LRATD1: variants seen among roughly 807,000 people sequenced by gnomAD.
LRATD1 encodes protein LRATD1.
LRATD1 carries 8 observed loss-of-function variants against 21.3 expected under a neutral mutation model. The observed-to-expected ratio is 0.38, with a 90% CI of 0.22 to 0.68. The LOEUF is 0.68. LRATD1 is among the 30% of genes least tolerant of loss of function. The pLI, the probability that LRATD1 is intolerant of heterozygous loss-of-function variation, is 0.54. For synonymous variants in LRATD1, 210 were observed against 186.2 expected, an observed-to-expected ratio of 1.13 and a Z score of -1.04; for missense variants, 380 against 404.0, an observed-to-expected ratio of 0.94 and a Z score of 0.51.
chr2:14,640,882 G>C (rs1045513877), downstream of LRATD1, among the ~76,000 whole-genome samples: 1 of 152,164 alleles, frequency 6.6e-6, no homozygotes, highest in Admixed American at 6.5e-5. Context: ...TGCCCAGGGG[G>C]TCTGAGCTAG....
rs1205899220 is a variant in LRATD1 at position 14,633,172 on chromosome 2, C to A, written c.-37+235C>A. On this transcript the variant is annotated intron_variant, in intron 1 of 1. Coordinates refer to ENST00000295092, the MANE Select transcript of LRATD1 (RefSeq NM_145175.4). This position sits in a 1 kb window ranked among gnomAD's most constrained non-coding sequence, Gnocchi z 7.5. Reference sequence around the variant, plus strand: ...CCTCGCCCTGGCGCAGTCCCATTGGCCCTGATGGGGACAAGGCAAGAGAAG... The same window carrying A: ...CCTCGCCCTGGCGCAGTCCCATTGGACCTGATGGGGACAAGGCAAGAGAAG... Among the ~76,000 whole-genome samples the A allele has an allele frequency of 3.9e-5, 6 of 152,194 alleles. No individual in the cohort carries two copies. The East Asian group carries it at 7.7e-4, about 20-fold the overall frequency.
chr2:14,646,134 G>T lies in LRATD1; in HGVS notation n.289G>T, dbSNP rs549869650. 5 of 152,290 alleles carry T rather than the reference G, an allele frequency of 3.3e-5. No homozygotes were observed. In the East Asian group the frequency reaches 7.7e-4, roughly 24 times the overall value. The allele number at this position is 152,290 out of a possible 1,614,324, so 9.4% of individuals were successfully genotyped here. A position where few individuals can be genotyped will look rare whatever the true frequency, so the allele number is the denominator to read the frequency against. On this transcript the variant is annotated non_coding_transcript_exon_variant, in exon 3 of 6. Transcript: ENST00000464947. ...AACCCATTTAATGTTTTCAGTGAAT[G>T]CCTGGGGTATTTATATCAAAGTTCT...
chr2:14,634,962 C>A lies in LRATD1; in HGVS notation c.*104C>A. On this transcript the variant is annotated 3_prime_UTR_variant, in exon 2 of 2. Coordinates refer to ENST00000295092, the MANE Select transcript of LRATD1 (RefSeq NM_145175.4). ...GCGGTTCTCAACCTCTGCCCCGCCC[C>A]GCCACGCGCGTCCGCCGCCGGTGGC... 6 of 1,398,352 alleles carry A rather than the reference C, an allele frequency of 4.3e-6. No individual in the cohort carries two copies. Among genetic ancestry groups the A allele is most frequent in the Non-Finnish European group, 5.8e-6 (6 of 1,041,268 alleles). The allele number at this position is 1,398,352 out of a possible 1,614,324, so 86.6% of individuals were successfully genotyped here.
chr2:14,649,964 A>T (rs571714776), downstream of LRATD1: 2 of 152,610 alleles, frequency 1.3e-5, no homozygotes, highest in East Asian at 1.9e-4. Flanking sequence ...AGAAGGCACC[A>T]TCTATAAGCC....
In LRATD1 at chr2:14,635,250, G is replaced by A. The variant is rs1233842607; in HGVS notation, c.*392G>A. 3.8e-6 allele frequency: 2 copies of A among 521,392 alleles called. No homozygotes were observed. The highest frequency in any genetic ancestry group is 7.7e-6 in the Non-Finnish European group (2 of 260,360). The allele number at this position is 521,392 out of a possible 1,614,324, so 32.3% of individuals were successfully genotyped here. A position where few individuals can be genotyped will look rare whatever the true frequency, so the allele number is the denominator to read the frequency against. On this transcript the variant is annotated 3_prime_UTR_variant, in exon 2 of 2. Coordinates refer to ENST00000295092, the MANE Select transcript of LRATD1 (RefSeq NM_145175.4). ...CTCGAAAACAACCCTCTTCTCAAAA[G>A]GGACCATCACCGCCCCGAGCGTGCG...
rs1291863628 is a variant in LRATD1 at position 14,635,208 on chromosome 2, C to T, written c.*350C>T. The stretch of plus-strand genomic sequence containing the variant: ...ATGGCCTTCCCCGCGAGTCCATGGC[C>T]AGTGACTGTGGCCCGACTCGAAAAC... On this transcript the variant is annotated 3_prime_UTR_variant, in exon 2 of 2. Coordinates refer to ENST00000295092, the MANE Select transcript of LRATD1 (RefSeq NM_145175.4). The T allele has an allele frequency of 6.8e-6, 4 of 589,488 alleles. No individual in the cohort carries two copies. The Admixed American group carries it at 8.7e-5, about 13-fold the overall frequency. 36.5% of individuals were successfully genotyped at this position (589,488 alleles called of 1,614,324 possible).
rs781305175 is a variant in LRATD1 at position 14,634,486 on chromosome 2, G to C, written c.507G>C (p.Ala169=). 18 of 1,510,396 alleles carry C rather than the reference G, an allele frequency of 1.2e-5. No individual in the cohort carries two copies. Among genetic ancestry groups the C allele is most frequent in the Non-Finnish European group, 1.6e-5 (18 of 1,131,172 alleles). The allele number at this position is 1,510,396 out of a possible 1,614,324, so 93.6% of individuals were successfully genotyped here. Residue 169 remains alanine (A), a synonymous_variant, in exon 2 of 2, where the codon GCG becomes GCC. Coordinates refer to ENST00000295092, the MANE Select transcript of LRATD1 (RefSeq NM_145175.4). ...GEIRQDSLYE[A]GAANVGRVVN... ...TCCGCCAGGACAGCCTGTATGAGGC[G>C]GGCGCGGCCAACGTGGGCCGGGTGG...
intron 4 of LRATD1, among the ~76,000 whole-genome samples, chr2:14,647,439 G>A (rs965686756): frequency 1.3e-5 from 2 of 152,026 alleles, no homozygotes; most frequent in African/African-American, 4.8e-5. Context: ...ATGAAAATGG[G>A]TGTTTCTTAG....
chr2:14,646,979 A>G (rs189563598), intron 4 of LRATD1, among the ~76,000 whole-genome samples: 5 of 152,336 alleles, frequency 3.3e-5, no homozygotes, highest in East Asian at 3.9e-4. Flanking sequence ...GAAAGATGGT[A>G]TATGGGAAAG....
intron 4 of LRATD1, chr2:14,649,307 GC>G: frequency 2.2e-6 from 1 of 456,576 alleles, no homozygotes; most frequent in Non-Finnish European, 4.4e-6. Flanking sequence ...TTTTTCTTGT[GC>G]CTAGCAGAAT....
In LRATD1 at chr2:14,634,932, A is replaced by G; in HGVS notation, c.*74A>G. The G allele has an allele frequency of 4.7e-6, 7 of 1,501,348 alleles. No individual in the cohort carries two copies. The highest frequency in any genetic ancestry group is 6.3e-6 in the Non-Finnish European group (7 of 1,117,284). The allele number at this position is 1,501,348 out of a possible 1,614,324, so 93.0% of individuals were successfully genotyped here. A position where few individuals can be genotyped will look rare whatever the true frequency, so the allele number is the denominator to read the frequency against. ...TCCCTTCCCCGCACCCGGACTTCGC[A>G]GTCAGCGGTTCTCAACCTCTGCCCC... On this transcript the variant is annotated 3_prime_UTR_variant, in exon 2 of 2. Transcript: ENST00000295092.
In LRATD1 at chr2:14,636,470, G is replaced by A. The variant is rs928066469; in HGVS notation, c.*1612G>A. ...CAGTTCAGTTCTTCCTGAAAACAGG[G>A]ATGATGAACTTGTAGGATCAGGACA... On this transcript the variant is annotated 3_prime_UTR_variant, in exon 2 of 2. Transcript: ENST00000295092. 1.2e-5 allele frequency: 2 copies of A among 167,082 alleles called. No individual in the cohort carries two copies. The highest frequency in any genetic ancestry group is 4.8e-5 in the African/African-American group (2 of 41,444). 10.3% of individuals were successfully genotyped at this position (167,082 alleles called of 1,614,324 possible).
At position 14,635,173 on chromosome 2, in the gene LRATD1, G is replaced by T. The variant is rs181313863; in HGVS notation, c.*315G>T. The T allele has an allele frequency of 9.8e-4, 635 of 648,924 alleles. 3 individuals are homozygous for T. The African/African-American group carries it at 0.011, about 11-fold the overall frequency. The allele number at this position is 648,924 out of a possible 1,614,324, so 40.2% of individuals were successfully genotyped here. ...CCGGGAACGGGGAAGGGGCTGAGGGGAGAAAGGACATGGCCTTCCCCGCGA... is the reference window on the plus strand; with the variant it reads ...CCGGGAACGGGGAAGGGGCTGAGGGTAGAAAGGACATGGCCTTCCCCGCGA... On this transcript the variant is annotated 3_prime_UTR_variant, in exon 2 of 2. Coordinates refer to ENST00000295092, the MANE Select transcript of LRATD1 (RefSeq NM_145175.4).
intron 2 of LRATD1, among the ~76,000 whole-genome samples, chr2:14,645,385 CA>C (rs1671876693): frequency 6.6e-6 from 1 of 152,192 alleles, no homozygotes; most frequent in African/African-American, 2.4e-5. Flanking sequence ...TTCTGGACTG[CA>C]ATTCCTTAAT....
intron 4 of LRATD1, chr2:14,649,209 GA>G: frequency 2.2e-6 from 1 of 449,352 alleles, no homozygotes; most frequent in Non-Finnish European, 4.5e-6. Flanking sequence ...GGGGAGGGGG[GA>G]TGTGGAGAGG....
chr2:14,649,107 AG>A (rs1439594662), intron 4 of LRATD1, among the ~76,000 whole-genome samples: 1 of 152,064 alleles, frequency 6.6e-6, no homozygotes, highest in Non-Finnish European at 1.5e-5. Flanking sequence ...CCTCTCTCCC[AG>A]TGGGAACAGC....
downstream of LRATD1, among the ~76,000 whole-genome samples, chr2:14,642,496 C>T (rs145512016): frequency 6.6e-6 from 1 of 152,150 alleles, no homozygotes; most frequent in Non-Finnish European, 1.5e-5. Context: ...CTTGAATAGA[C>T]CACTGTAGTG....
rs1217196022 is a variant in LRATD1, at chr2:14,638,985, TAC to T, written c.*4133_*4134del. ...ATATATGTACATGTATACATATACATACACACATATGTACATTTACACATATG... is the reference window on the plus strand; with the variant it reads ...ATATATGTACATGTATACATATACATACACATATGTACATTTACACATATG... On this transcript the variant is annotated 3_prime_UTR_variant, in exon 2 of 2. Coordinates refer to ENST00000295092, the MANE Select transcript of LRATD1 (RefSeq NM_145175.4). 1 of 166,820 alleles carries T rather than the reference TAC, an allele frequency of 6.0e-6. No homozygotes were observed. Among genetic ancestry groups the T allele is most frequent in the East Asian group, 1.9e-4 (1 of 5,204 alleles). The allele number at this position is 166,820 out of a possible 1,614,324, so 10.3% of individuals were successfully genotyped here.
chr2:14,643,547 T>C (rs1251223354), downstream of LRATD1, among the ~76,000 whole-genome samples: 2 of 152,208 alleles, frequency 1.3e-5, no homozygotes, highest in Non-Finnish European at 2.9e-5. Flanking sequence ...CCCAAAAGCC[T>C]AGTAGTTGTA....
Sources: gnomAD v4.1 joint callset for allele counts (sites outside exome capture counted in the v4.1 genomes callset) on GRCh38, gnomAD v4.1.1 for gene constraint, Gnocchi (gnomAD v3.1) non-coding constraint, MANE v1.5 for transcripts, NCBI Gene and HGNC (gene_info 2026-07-23, HGNC 2026-07-21) for gene names.